The following RIMBP2 variants were observed in gnomAD, a reference collection of about 807,000 sequenced individuals.
The protein encoded by RIMBP2 is RIMS-binding protein 2.
A neutral mutation model predicts 118.6 loss-of-function variants in RIMBP2; 48 were observed. That is an observed-to-expected ratio of 0.40 (90% CI 0.32 to 0.51). The LOEUF is 0.51. RIMBP2 is among the 20% of genes least tolerant of loss of function. The probability of loss-of-function intolerance (pLI) is 0.41; values close to 1 mark genes in which losing one functional copy is unlikely to be tolerated. For missense variants in RIMBP2, 1,551 were observed against 1,768.3 expected, an observed-to-expected ratio of 0.88 and a Z score of 2.20; for synonymous variants, 762 against 742.9, an observed-to-expected ratio of 1.03 and a Z score of -0.42.
chr12:130,610,272 C>T (rs953566989), intron 2 of RIMBP2, among the ~76,000 whole-genome samples: 1 of 152,250 alleles, frequency 6.6e-6, no homozygotes, highest in Non-Finnish European at 1.5e-5. Context: ...GTTCTGGGGC[C>T]TCTGGCAGTT....
rs1186158745 is a variant in RIMBP2 at position 130,523,075 on chromosome 12, TGTCTCC to T, written c.-216-5164_-216-5159del. The stretch of plus-strand genomic sequence containing the variant: ...CTATGTCTCTCTGCCTCTCTGTCTC[TGTCTCC>T]ACGTCTCTGTTTCTCTGCTTCTTCT... On this transcript the variant is annotated intron_variant, in intron 2 of 22. Coordinates refer to ENST00000690449, the MANE Select transcript of RIMBP2 (RefSeq NM_001393629.1). This position sits in a 1 kb window ranked among gnomAD's most constrained non-coding sequence, Gnocchi z 4.4. Among the ~76,000 whole-genome samples the T allele has an allele frequency of 6.6e-6, 1 of 152,216 alleles. No homozygotes were observed. Among genetic ancestry groups the T allele is most frequent in the East Asian group, 1.9e-4 (1 of 5,180 alleles).
chr12:130,481,891 GTCTCTT>G, intron 4 of RIMBP2, among the ~76,000 whole-genome samples: 1 of 152,178 alleles, frequency 6.6e-6, no homozygotes, highest in South Asian at 2.1e-4. Flanking sequence ...ATTTCTAACG[GTCTCTT>G]TCCAAGAGCC....
chr12:130,476,212 C>T (rs995975315), intron 5 of RIMBP2, among the ~76,000 whole-genome samples: 8 of 152,144 alleles, frequency 5.3e-5, no homozygotes, highest in African/African-American at 1.2e-4. Context: ...CCCACTGGAC[C>T]GTAAGCTCAT....
intron 1 of RIMBP2, among the ~76,000 whole-genome samples, chr12:130,646,521 C>G (rs868271761): frequency 6.6e-6 from 1 of 152,228 alleles, no homozygotes; most frequent in Non-Finnish European, 1.5e-5. Flanking sequence ...TAATGGCCCT[C>G]TGCTCCCATT....
chr12:130,701,098 G>A (rs527832707), intron 1 of RIMBP2, among the ~76,000 whole-genome samples: 11 of 152,346 alleles, frequency 7.2e-5, no homozygotes, highest in Admixed American at 5.9e-4. Context: ...CAAGGTTTCC[G>A]TGTGATTTCG....
In RIMBP2 at chr12:130,670,654, G is replaced by GAAAGGAGAAACGCTCACTGT. The variant is rs560963402; in HGVS notation, c.-351-42218_-351-42199dup. Among the ~76,000 whole-genome samples the GAAAGGAGAAACGCTCACTGT allele has an allele frequency of 0.019, 2,830 of 152,254 alleles. 35 individuals carry two copies. Among genetic ancestry groups the GAAAGGAGAAACGCTCACTGT allele is most frequent in the Non-Finnish European group, 0.028 (1,915 of 68,030 alleles). On this transcript the variant is annotated intron_variant, in intron 1 of 22. Coordinates refer to ENST00000690449, the MANE Select transcript of RIMBP2 (RefSeq NM_001393629.1). The surrounding 1 kb of genome is among the most constrained non-coding windows in gnomAD (Gnocchi z 4.9). ...ACACCCGCCTCCACTAGAGAGGCTG[G>GAAAGGAGAAACGCTCACTGT]AAAGGAGAAACGCTCACTGTCCCAC...
chr12:130,706,027 T>A (rs1010386697), intron 1 of RIMBP2, among the ~76,000 whole-genome samples: 8 of 152,236 alleles, frequency 5.3e-5, no homozygotes, highest in African/African-American at 1.9e-4. Context: ...AGAGGACCCG[T>A]TTCTGGGACT....
chr12:130,470,945 G>A (rs1318860608), intron 5 of RIMBP2, among the ~76,000 whole-genome samples: 2 of 152,346 alleles, frequency 1.3e-5, no homozygotes, highest in East Asian at 1.9e-4. Flanking sequence ...CAGATAAATT[G>A]CACATCCAGG....
chr12:130,673,454 A>G (rs2136467665), intron 1 of RIMBP2, among the ~76,000 whole-genome samples: 1 of 152,352 alleles, frequency 6.6e-6, no homozygotes, highest in East Asian at 1.9e-4. Flanking sequence ...TGCCTCAGCT[A>G]TGCCAGAATC....
chr12:130,473,312 T>C (rs971140352), intron 5 of RIMBP2, among the ~76,000 whole-genome samples: 2 of 152,198 alleles, frequency 1.3e-5, no homozygotes, highest in Non-Finnish European at 2.9e-5. Context: ...GAGTGGTTCC[T>C]GCAGAGCAGG....
chr12:130,520,538 G>C (rs979641279), intron 2 of RIMBP2, among the ~76,000 whole-genome samples: 2 of 152,052 alleles, frequency 1.3e-5, no homozygotes, highest in African/African-American at 2.4e-5. Flanking sequence ...CAGGCGTGGT[G>C]GTGGGCACCT....
intron 1 of RIMBP2, among the ~76,000 whole-genome samples, chr12:130,659,003 GCCTC>G (rs1276361762): frequency 2.0e-5 from 3 of 151,246 alleles, no homozygotes; most frequent in Admixed American, 1.3e-4. Flanking sequence ...CACCATGCCA[GCCTC>G]CCTCCCTCCA....
chr12:130,452,143 C>T (rs149485195), intron 7 of RIMBP2, among the ~76,000 whole-genome samples: 18 of 152,318 alleles, frequency 1.2e-4, no homozygotes, highest in Non-Finnish European at 2.2e-4. Context: ...GCTTCCTTCC[C>T]AAGCTCTCCG....
At chr12:130,647,092 A>C (rs2063018738) in intron 1 of RIMBP2, among the ~76,000 whole-genome samples, 4 of 152,192 alleles carry the variant, frequency 2.6e-5, no homozygotes, top group African/African-American at 9.7e-5. Context: ...CTTCACGGGG[A>C]ATTCCAGGCA....
At chr12:130,438,335 A>ACCCC (rs146625626) in intron 12 of RIMBP2, 30 bp downstream of exon 12, 88 of 865,780 alleles carry the variant, frequency 1.0e-4, no homozygotes, top group Middle Eastern at 6.9e-4. Flanking sequence ...GGCCTAACAA[A>ACCCC]CCCTCCCCAC....
rs1351390084 is a variant in RIMBP2, at chr12:130,414,211, G to C, written c.3334C>G (p.Leu1112Val). The change falls in exon 18 of 23, where the codon CTC becomes GTC. Residue 1112 changes from leucine to valine, a missense_variant. By Grantham distance (32) the Leu-to-Val change is conservative. This residue lies in a region of RIMBP2 where 1,038 missense variants were observed against 1,125.1 expected (regional missense o/e 0.92). Coordinates refer to ENST00000690449, the MANE Select transcript of RIMBP2 (RefSeq NM_001393629.1). ...EELPARIFVA[L>V]FDYDPLTMSP... ...ATGGTGAGCGGGTCGTAGTCAAAGAGAGCCACAAAGATCCGGGCCGGGAGC... is the reference window on the plus strand; with the variant it reads ...ATGGTGAGCGGGTCGTAGTCAAAGACAGCCACAAAGATCCGGGCCGGGAGC... 3 of 1,614,104 alleles carry C rather than the reference G, an allele frequency of 1.9e-6. No homozygotes were observed. The highest frequency in any genetic ancestry group is 2.2e-5 in the East Asian group (1 of 44,882).
chr12:130,596,661 C>T (rs1247157119), intron 2 of RIMBP2, among the ~76,000 whole-genome samples: 1 of 152,182 alleles, frequency 6.6e-6, no homozygotes, highest in Non-Finnish European at 1.5e-5. Flanking sequence ...GCATGGGACA[C>T]AGTAAGTGCT....
At chr12:130,412,140 C>T (rs917723519) in intron 19 of RIMBP2, among the ~76,000 whole-genome samples, 1 of 152,042 alleles carries the variant, frequency 6.6e-6, no homozygotes, top group Admixed American at 6.5e-5. Flanking sequence ...TGCTTGCAGA[C>T]TGGCTTAAGA....
intron 2 of RIMBP2, among the ~76,000 whole-genome samples, chr12:130,602,765 T>C (rs1035152362): frequency 6.6e-6 from 1 of 152,232 alleles, no homozygotes; most frequent in African/African-American, 2.4e-5. Context: ...ATCAACAATG[T>C]TAAGAACGTG....
Sources: gnomAD v4.1 joint callset for allele counts (sites outside exome capture counted in the v4.1 genomes callset) on GRCh38, gnomAD v4.1.1 for gene constraint, gnomAD v4.1.1 regional missense constraint, Gnocchi (gnomAD v3.1) non-coding constraint, MANE v1.5 for transcripts, NCBI Gene and HGNC (gene_info 2026-07-23, HGNC 2026-07-21) for gene names.